The following PCDH15 variants were observed in gnomAD, a reference collection of about 807,000 sequenced individuals.
The protein encoded by PCDH15 is protocadherin-15.
A neutral mutation model predicts 178.5 loss-of-function variants in PCDH15; 129 were observed. The observed-to-expected ratio is 0.72, with a 90% CI of 0.63 to 0.84. The LOEUF is 0.84. Ranked by LOEUF, PCDH15 falls within the 40% of genes least tolerant of loss-of-function variation. The pLI is 0.00. For synonymous variants in PCDH15, 800 were observed against 732.0 expected, an observed-to-expected ratio of 1.09 and a Z score of -1.50; for missense variants, 2,230 against 2,099.9, an observed-to-expected ratio of 1.06 and a Z score of -1.21.
chr10:54,479,839 A>G (rs2136900799), intron 3 of PCDH15, among the ~76,000 whole-genome samples: 1 of 152,160 alleles, frequency 6.6e-6, no homozygotes, highest in Non-Finnish European at 1.5e-5. Context: ...TGTGAGTGTA[A>G]ATGATGTCAC....
At position 54,396,292 on chromosome 10, in the gene PCDH15, A is replaced by C. The variant is rs148704163; in HGVS notation, c.158-17350T>G. On this transcript the variant is annotated intron_variant, in intron 3 of 37. Coordinates refer to ENST00000644397, the MANE Select transcript of PCDH15 (RefSeq NM_001384140.1). ...TTCCTTTGTCATGTCGCTTCCCTAA[A>C]ACTTTACTGTTCTTTGTTGAACAAT... Among the ~76,000 whole-genome samples the C allele has an allele frequency of 2.4e-3, 372 of 152,222 alleles. 2 individuals are homozygous for C. The highest frequency in any genetic ancestry group is 6.8e-3 in the Middle Eastern group (2 of 294).
intron 3 of PCDH15, among the ~76,000 whole-genome samples, chr10:54,841,567 A>G (rs1375504142): frequency 6.6e-6 from 1 of 151,696 alleles, no homozygotes; most frequent in Non-Finnish European, 1.5e-5. Context: ...GCAACAAATA[A>G]TATAAAGACA....
intron 26 of PCDH15, among the ~76,000 whole-genome samples, chr10:53,879,735 C>A (rs1564669704): frequency 6.6e-6 from 1 of 152,054 alleles, no homozygotes; most frequent in East Asian, 1.9e-4. Context: ...CTCTCGAGTA[C>A]CAGGGACTAC....
chr10:55,277,634 G>A (rs531384058), intron 1 of PCDH15, among the ~76,000 whole-genome samples: 1 of 152,130 alleles, frequency 6.6e-6, no homozygotes, highest in Non-Finnish European at 1.5e-5. Flanking sequence ...ATCTAAGTTT[G>A]TTGTTGTTAT....
intron 1 of PCDH15, among the ~76,000 whole-genome samples, chr10:54,680,302 C>T (rs1202808072): frequency 6.6e-6 from 1 of 152,010 alleles, no homozygotes; most frequent in Non-Finnish European, 1.5e-5. Context: ...TGATTTTTTG[C>T]AATTCATGAA....
chr10:55,204,801 T>A (rs1809813209), intron 1 of PCDH15, among the ~76,000 whole-genome samples: 2 of 152,244 alleles, frequency 1.3e-5, no homozygotes, highest in South Asian at 4.1e-4. Flanking sequence ...TGAATCATGT[T>A]TAATTTTTTA....
intron 2 of PCDH15, among the ~76,000 whole-genome samples, chr10:54,645,433 T>C (rs916992743): frequency 1.3e-5 from 2 of 151,556 alleles, no homozygotes; most frequent in Non-Finnish European, 2.9e-5. Flanking sequence ...GAATGAAAAA[T>C]AGTAAAAGCA....
chr10:53,958,033 A>T (rs2087805456), intron 23 of PCDH15, among the ~76,000 whole-genome samples: 1 of 152,110 alleles, frequency 6.6e-6, no homozygotes, highest in African/African-American at 2.4e-5. Context: ...GAGAGGATGA[A>T]ACTGCTTGGT....
chr10:54,035,264 C>T (rs561360842), intron 18 of PCDH15, among the ~76,000 whole-genome samples: 6 of 152,018 alleles, frequency 3.9e-5, no homozygotes, highest in Admixed American at 6.6e-5. Flanking sequence ...CTTTATTGTG[C>T]TTCACGGACG....
At chr10:54,319,785 T>TG (rs2061483829) in intron 7 of PCDH15, among the ~76,000 whole-genome samples, 1 of 144,068 alleles carries the variant, frequency 6.9e-6, no homozygotes, top group Non-Finnish European at 1.5e-5. Context: ...TGCCTTCCAA[T>TG]TAAAAAAAAA....
chr10:54,546,410 A>G (rs566233263), intron 2 of PCDH15, among the ~76,000 whole-genome samples: 3 of 152,268 alleles, frequency 2.0e-5, no homozygotes, highest in Non-Finnish European at 4.4e-5. Context: ...TTAATATTAA[A>G]GACTAAATAA....
At chr10:54,213,677 A>T (rs1351080927) in intron 10 of PCDH15, among the ~76,000 whole-genome samples, 1 of 152,184 alleles carries the variant, frequency 6.6e-6, no homozygotes, top group Non-Finnish European at 1.5e-5. Flanking sequence ...GTAGAATTGT[A>T]TACGCTTGAC....
chr10:55,223,934 A>G (rs2132188291), intron 1 of PCDH15, among the ~76,000 whole-genome samples: 1 of 152,224 alleles, frequency 6.6e-6, no homozygotes. Flanking sequence ...ATAATAATAT[A>G]AGCAAGCAAA....
At chr10:55,060,277 C>T (rs1390095454) in intron 2 of PCDH15, among the ~76,000 whole-genome samples, 1 of 151,968 alleles carries the variant, frequency 6.6e-6, no homozygotes, top group Non-Finnish European at 1.5e-5. Flanking sequence ...TCAATGTGCA[C>T]AAAAGTATTT....
chr10:55,582,584 G>A (rs1388237855), intron 2 of PCDH15, among the ~76,000 whole-genome samples: 1 of 109,732 alleles, frequency 9.1e-6, no homozygotes, highest in African/African-American at 3.8e-5. Context: ...TGGCTATTCT[G>A]TATGTGTATG....
chr10:55,578,864 G>C (rs1842548857), intron 2 of PCDH15, among the ~76,000 whole-genome samples: 1 of 152,090 alleles, frequency 6.6e-6, no homozygotes, highest in Admixed American at 6.5e-5. Flanking sequence ...TCACTATCAT[G>C]AGAACAGCAG....
At chr10:53,836,948 A>G (rs901970002) in intron 29 of PCDH15, among the ~76,000 whole-genome samples, 1 of 152,328 alleles carries the variant, frequency 6.6e-6, no homozygotes, top group South Asian at 2.1e-4. Flanking sequence ...TCTAATAGAA[A>G]TGCTAGAAAT....
At chr10:54,942,485 C>A (rs1591797353) in intron 2 of PCDH15, among the ~76,000 whole-genome samples, 1 of 152,088 alleles carries the variant, frequency 6.6e-6, no homozygotes, top group Middle Eastern at 3.4e-3. Context: ...AGAAATCAGT[C>A]CTCAAATAAT....
chr10:54,105,281 T>C (rs1241139882), intron 15 of PCDH15, among the ~76,000 whole-genome samples: 39 of 11,580 alleles, frequency 3.4e-3, no homozygotes, highest in Admixed American at 0.022. Context: ...GATGGAGATA[T>C]ATATATATAT....
Sources: allele counts gnomAD v4.1 joint callset (sites outside exome capture counted in the v4.1 genomes callset), GRCh38; gene constraint gnomAD v4.1.1; transcripts MANE v1.5; gene names NCBI Gene and HGNC (gene_info 2026-07-23, HGNC 2026-07-21).